CORO1A: variants seen among roughly 807,000 people sequenced by gnomAD.
CORO1A encodes the protein coronin-1A.
CORO1A carries 17 observed loss-of-function variants against 44.1 expected under a neutral mutation model. The ratio of observed to expected loss-of-function variants is 0.39; its 90% CI spans 0.26 to 0.58. The LOEUF (loss-of-function observed/expected upper bound fraction) is 0.58. Among genes scored for constraint, CORO1A ranks in the 20% least tolerant of loss-of-function variants. CORO1A has a pLI of 0.62. For missense variants in CORO1A, 415 were observed against 606.5 expected, an observed-to-expected ratio of 0.68 and a Z score of 3.32; for synonymous variants, 271 against 244.2, an observed-to-expected ratio of 1.11 and a Z score of -1.02.
chr16:30,186,057 G>A (rs1341538904), intron 2 of CORO1A: 1 of 213,332 alleles, frequency 4.7e-6, no homozygotes, highest in South Asian at 6.6e-5. Context: ...CCACATGGCT[G>A]TCACACAGGA....
chr16:30,184,603 C>T lies in CORO1A; in HGVS notation c.-1-606C>T. On this transcript the variant is annotated intron_variant, in intron 1 of 10. Coordinates refer to ENST00000219150, the MANE Select transcript of CORO1A (RefSeq NM_007074.4). The surrounding 1 kb of genome is among the most constrained non-coding windows in gnomAD (Gnocchi z 4.3). ...GGGCACCTGCTTTTCTGAGCGGAGG[C>T]GAGAGGCAGAGGTATGGGGAGGAGG... 2 of 168,438 alleles carry T rather than the reference C, an allele frequency of 1.2e-5. No individual in the cohort carries two copies. Among genetic ancestry groups the T allele is most frequent in the South Asian group, 1.3e-4 (1 of 7,700 alleles). The allele number at this position is 168,438 out of a possible 1,614,324, so 10.4% of individuals were successfully genotyped here. A position where few individuals can be genotyped will look rare whatever the true frequency, so the allele number is the denominator to read the frequency against.
rs1360304494 is a variant in CORO1A, at chr16:30,183,717, C to G, written c.-10C>G. ...CTTTTGGGGGATCACTGTCCTCTCTCGGCAGCAGGTGAGGCTGGGCCTGGG... is the reference window on the plus strand; with the variant it reads ...CTTTTGGGGGATCACTGTCCTCTCTGGGCAGCAGGTGAGGCTGGGCCTGGG... On this transcript the variant is annotated 5_prime_UTR_variant, in exon 1 of 11. Transcript: ENST00000219150. The surrounding 1 kb of genome is among the most constrained non-coding windows in gnomAD (Gnocchi z 5.0). The G allele has an allele frequency of 6.5e-6, 1 of 152,826 alleles. No individual in the cohort carries two copies. The highest frequency in any genetic ancestry group is 2.4e-5 in the African/African-American group (1 of 41,406). 9.5% of individuals were successfully genotyped at this position (152,826 alleles called of 1,614,324 possible). A position where few individuals can be genotyped will look rare whatever the true frequency, so the allele number is the denominator to read the frequency against.
At chr16:30,188,688 T>A in intron 10 of CORO1A, 112 bp downstream of exon 10, 2 of 822,812 alleles carry the variant, frequency 2.4e-6, no homozygotes, top group South Asian at 3.3e-5. Context: ...GGAATGGTAA[T>A]CCTGAGGCCT....
At chr16:30,187,684 A>G (rs1567377029) in intron 6 of CORO1A, 41 bp from the exon 7 acceptor site, 1 of 1,518,950 alleles carries the variant, frequency 6.6e-7, no homozygotes, top group Admixed American at 1.7e-5. Flanking sequence ...GAAGACCACC[A>G]TCCCAGGGCC....
intron 7 of CORO1A, 28 bp downstream of exon 7, chr16:30,187,857 G>A: frequency 6.4e-6 from 4 of 624,582 alleles, no homozygotes; most frequent in Non-Finnish European, 1.2e-5. Context: ...GGTGGGGGTG[G>A]GAGGTGGGCA....
Position 30,188,268 on chromosome 16 carries a change from A to G in CORO1A, c.1065+19A>G. On this transcript the variant is annotated intron_variant, in intron 9 of 10. Transcript: ENST00000219150. ...TCGAAAGGTGATGCTCCCCCGCCCC[A>G]CCCTGGGCTCCAGGCTGGGCACTGA... 4 of 1,613,224 alleles carry G rather than the reference A, an allele frequency of 2.5e-6. No individual in the cohort carries two copies. The highest frequency in any genetic ancestry group is 3.4e-6 in the Non-Finnish European group (4 of 1,179,484).
chr16:30,188,780 C>T (rs2073381877), intron 10 of CORO1A, 80 bp from the exon 11 acceptor site: 2 of 524,910 alleles, frequency 3.8e-6, no homozygotes, highest in South Asian at 4.2e-5. Flanking sequence ...AAGGCCAGGG[C>T]TCTAGGGATG....
Position 30,183,927 on chromosome 16 carries a change from G to A in CORO1A, c.-2+202G>A, listed in dbSNP as rs1190502459. On this transcript the variant is annotated intron_variant, in intron 1 of 10. Transcript: ENST00000219150. The surrounding 1 kb of genome is among the most constrained non-coding windows in gnomAD (Gnocchi z 5.0). The stretch of plus-strand genomic sequence containing the variant: ...CCGGGGCCCCAGAGCGCTCTGCGGA[G>A]GCGAGGGCTAGGGACCACCGCGGCC... The A allele has an allele frequency of 6.6e-6, 1 of 152,018 alleles. No individual in the cohort carries two copies. The highest frequency in any genetic ancestry group is 1.5e-5 in the Non-Finnish European group (1 of 68,012). 9.4% of individuals were successfully genotyped at this position (152,018 alleles called of 1,614,324 possible). A position where few individuals can be genotyped will look rare whatever the true frequency, so the allele number is the denominator to read the frequency against.
chr16:30,186,618 T>C lies in CORO1A; in HGVS notation c.219T>C (p.Asn73=). The C allele has an allele frequency of 1.2e-6, 2 of 1,612,542 alleles. No homozygotes were observed. The highest frequency in any genetic ancestry group is 2.2e-5 in the East Asian group (1 of 44,888). Residue 73 remains asparagine (N), a synonymous_variant, in exon 3 of 11, where the codon AAT becomes AAC. Coordinates refer to ENST00000219150, the MANE Select transcript of CORO1A (RefSeq NM_007074.4). ...TTTAGACTGGACGTGTGGACAAGAA[T>C]GCGCCCACGGTCTGTGGCCACACAG... is the stretch of plus-strand genomic sequence containing the variant. ...PLGKTGRVDK[N]APTVCGHTAP...
Position 30,184,866 on chromosome 16 carries a change from T to G in CORO1A, c.-1-343T>G. 2.4e-6 allele frequency: 1 copy of G among 419,284 alleles called. No homozygotes were observed. Among genetic ancestry groups the G allele is most frequent in the Non-Finnish European group, 4.5e-6 (1 of 222,884 alleles). The allele number at this position is 419,284 out of a possible 1,614,324, so 26.0% of individuals were successfully genotyped here. On this transcript the variant is annotated intron_variant, in intron 1 of 10. Coordinates refer to ENST00000219150, the MANE Select transcript of CORO1A (RefSeq NM_007074.4). The surrounding 1 kb of genome is among the most constrained non-coding windows in gnomAD (Gnocchi z 4.3). ...CATCTGGGCTGATGACGCCTGAGTC[T>G]GAACCATTAGGAAGGACGGGCTCTG... is the stretch of plus-strand genomic sequence containing the variant.
At chr16:30,188,814 G>C (rs1290882153) in intron 10 of CORO1A, 46 bp from the exon 11 acceptor site, 2 of 473,648 alleles carry the variant, frequency 4.2e-6, no homozygotes, top group Admixed American at 4.3e-5. Flanking sequence ...GCTGGGGTAA[G>C]GGGAGCCAGG....
chr16:30,187,334 C>G, intron 5 of CORO1A, 48 bp from the exon 6 acceptor site: 1 of 1,607,212 alleles, frequency 6.2e-7, no homozygotes, highest in Non-Finnish European at 8.5e-7. Context: ...GGACTGGCCC[C>G]GTAGGGTATG....
chr16:30,185,753 A>G (rs1438723149), intron 2 of CORO1A: 4 of 352,572 alleles, frequency 1.1e-5, no homozygotes, highest in East Asian at 6.3e-5. Context: ...CAGCGTTCTC[A>G]GGGTTGGGAG....
At chr16:30,188,306 G>C in intron 9 of CORO1A, 55 bp from the exon 10 acceptor site, 1 of 1,612,516 alleles carries the variant, frequency 6.2e-7, no homozygotes, top group Non-Finnish European at 8.5e-7. Flanking sequence ...TTGCGGTCTT[G>C]TGGGGGGTGT....
chr16:30,187,203 C>T lies in CORO1A; in HGVS notation c.616C>T (p.Arg206Cys), dbSNP rs1172804903. ...RDKRVRIIEPRKGTVVAEKDR... is the reference protein window; with the variant it reads ...RDKRVRIIEPCKGTVVAEKDR... Reference sequence around the variant, plus strand: ...CAAGCGCGTGCGCATCATCGAGCCCCGCAAAGGCACTGTCGTAGCTGTGAG... The same window carrying T: ...CAAGCGCGTGCGCATCATCGAGCCCTGCAAAGGCACTGTCGTAGCTGTGAG... The change falls in exon 5 of 11, where the codon CGC becomes TGC. Residue 206 changes from arginine (R) to cysteine (C), a missense_variant. Arg to Cys is a radical substitution (Grantham distance 180, BLOSUM62 -3). Around this residue, in one of 2 missense-constraint regions of CORO1A, gnomAD observed 325 missense variants for 521.7 expected, o/e 0.62. Coordinates refer to ENST00000219150, the MANE Select transcript of CORO1A (RefSeq NM_007074.4). 1 of 1,613,026 alleles carries T rather than the reference C, an allele frequency of 6.2e-7. No homozygotes were observed. The highest frequency in any genetic ancestry group is 1.1e-5 in the South Asian group (1 of 91,090).
intron 2 of CORO1A, 62 bp from the exon 3 acceptor site, chr16:30,186,536 G>A: frequency 6.2e-7 from 1 of 1,603,414 alleles, no homozygotes; most frequent in Non-Finnish European, 8.5e-7. Context: ...TGAAGGAGGT[G>A]TGGGGAGGTT....
chr16:30,187,265 A>C, intron 5 of CORO1A, 42 bp downstream of exon 5: 1 of 1,605,864 alleles, frequency 6.2e-7, no homozygotes. Context: ...TACAGCCTTT[A>C]TCCTTCTTAT....
Position 30,184,927 on chromosome 16 carries a change from G to C in CORO1A, c.-1-282G>C, listed in dbSNP as rs1596915632. The C allele has an allele frequency of 3.6e-6, 2 of 551,664 alleles. No individual in the cohort carries two copies. Among genetic ancestry groups the C allele is most frequent in the East Asian group, 6.3e-5 (2 of 31,842 alleles). 34.2% of individuals were successfully genotyped at this position (551,664 alleles called of 1,614,324 possible). A position where few individuals can be genotyped will look rare whatever the true frequency, so the allele number is the denominator to read the frequency against. ...CCAGTCAGTCAACAAACATGCAGTG[G>C]GGCAACACCACGCCAGGCTCTGTTG... On this transcript the variant is annotated intron_variant, in intron 1 of 10. Coordinates refer to ENST00000219150, the MANE Select transcript of CORO1A (RefSeq NM_007074.4). The surrounding 1 kb of genome is among the most constrained non-coding windows in gnomAD (Gnocchi z 4.3).
chr16:30,187,477 G>A lies in CORO1A; in HGVS notation c.732G>A (p.Glu244=). The change falls in exon 6 of 11, where the codon GAG becomes GAA. Residue 244 remains glutamate (E), a synonymous_variant. Coordinates refer to ENST00000219150, the MANE Select transcript of CORO1A (RefSeq NM_007074.4). ...CCACGGGCTTCAGCCGCATGAGTGAGCGGCAGGTGGCGCTGTGGGACACAG... is the reference window on the plus strand; with the variant it reads ...CCACGGGCTTCAGCCGCATGAGTGAACGGCAGGTGGCGCTGTGGGACACAG... ...ILTTGFSRMS[E]RQVALWDTKH... is the part of the protein sequence containing the mutation. 6.2e-7 allele frequency: 1 copy of A among 1,606,812 alleles called. No individual in the cohort carries two copies. The highest frequency in any genetic ancestry group is 8.5e-7 in the Non-Finnish European group (1 of 1,179,930).
Sources: allele counts gnomAD v4.1 joint callset, GRCh38; gene constraint gnomAD v4.1.1; regional missense constraint gnomAD v4.1.1; non-coding constraint Gnocchi (gnomAD v3.1); transcripts MANE v1.5; gene names NCBI Gene and HGNC (gene_info 2026-07-23, HGNC 2026-07-21).